Variants in LCMT1 observed in about 807,000 individuals in gnomAD.
The protein encoded by LCMT1 is [Phosphatase 2A protein]-leucine-carboxy methyltransferase 1.
Under a neutral mutation model 47.7 loss-of-function variants are expected in LCMT1, and 32 were observed. The observed-to-expected ratio is 0.67, with a 90% CI of 0.51 to 0.90. The LOEUF is 0.90. Ranked by LOEUF, LCMT1 falls within the 40% of genes least tolerant of loss-of-function variation. LCMT1 has a pLI of 0.00. For synonymous variants in LCMT1, 152 were observed against 149.7 expected, an observed-to-expected ratio of 1.02 and a Z score of -0.11; for missense variants, 375 against 415.2, an observed-to-expected ratio of 0.90 and a Z score of 0.84.
chr16:25,175,692 A>G (rs1961910330), intron 10 of LCMT1, among the ~76,000 whole-genome samples: 1 of 152,220 alleles, frequency 6.6e-6, no homozygotes, highest in East Asian at 1.9e-4. Context: ...CAGCTTCCCA[A>G]AGTGCTGGGA....
At chr16:25,118,082 C>T (rs1218283756) in intron 1 of LCMT1, among the ~76,000 whole-genome samples, 2 of 152,170 alleles carry the variant, frequency 1.3e-5, no homozygotes, top group African/African-American at 2.4e-5. Context: ...GTTACCTCCC[C>T]GAAATCTGTA....
chr16:25,140,103 TG>T, intron 3 of LCMT1, 67 bp from the exon 4 acceptor site: 1 of 1,187,372 alleles, frequency 8.4e-7, no homozygotes, highest in Non-Finnish European at 1.2e-6. Flanking sequence ...GCCTAGTGCT[TG>T]ATATGTGGAA....
rs1008835821 is a variant in LCMT1, at chr16:25,164,667, G to C, written c.639G>C (p.Leu213=). 2 of 1,613,986 alleles carry C rather than the reference G, an allele frequency of 1.2e-6. No homozygotes were observed. The highest frequency in any genetic ancestry group is 2.2e-5 in the South Asian group (2 of 91,084). Residue 213 remains leucine, a synonymous_variant, in exon 7 of 11, where the codon CTG becomes CTC. Coordinates refer to ENST00000399069, the MANE Select transcript of LCMT1 (RefSeq NM_016309.3). Reference sequence around the variant, plus strand: ...CTCCAGAGCAGTCCGCAAACCTCCTGAAGTGGGCAGCCAACAGTTTTGAGA... The same window carrying C: ...CTCCAGAGCAGTCCGCAAACCTCCTCAAGTGGGCAGCCAACAGTTTTGAGA... ...YMTPEQSANL[L]KWAANSFERA...
At chr16:25,132,858 C>CTTTTTTTTTT (rs34311865) in intron 3 of LCMT1, among the ~76,000 whole-genome samples, 3 of 140,610 alleles carry the variant, frequency 2.1e-5, no homozygotes, top group African/African-American at 8.1e-5. Flanking sequence ...GCATTTGTAA[C>CTTTTTTTTTT]TTTTTTTTTT....
At chr16:25,153,862 A>G (rs1015187466) in intron 5 of LCMT1, among the ~76,000 whole-genome samples, 2 of 151,958 alleles carry the variant, frequency 1.3e-5, no homozygotes, top group African/African-American at 4.8e-5. Flanking sequence ...CTAAGGCAGG[A>G]GACTCTCTTG....
intron 4 of LCMT1, chr16:25,145,220 C>T (rs1960814139): frequency 6.6e-6 from 1 of 152,132 alleles, no homozygotes; most frequent in Non-Finnish European, 1.5e-5. Context: ...AAATCTGGGC[C>T]TTGGATGGGG....
intron 6 of LCMT1, among the ~76,000 whole-genome samples, chr16:25,162,108 G>C (rs1322128019): frequency 6.6e-6 from 1 of 152,180 alleles, no homozygotes; most frequent in African/African-American, 2.4e-5. Flanking sequence ...ATACATAGCA[G>C]TTCCACTTTC....
chr16:25,151,463 G>T (rs1597589392), intron 4 of LCMT1, 91 bp from the exon 5 acceptor site: 2 of 1,070,752 alleles, frequency 1.9e-6, no homozygotes, highest in East Asian at 2.5e-5. Context: ...CATTTTGGTA[G>T]TGAGTGTCTG....
intron 3 of LCMT1, among the ~76,000 whole-genome samples, chr16:25,135,450 T>C (rs1329877745): frequency 6.6e-6 from 1 of 152,218 alleles, no homozygotes; most frequent in African/African-American, 2.4e-5. Context: ...AGCAGCCATA[T>C]GACAATTATA....
chr16:25,174,407 T>C lies in LCMT1; in HGVS notation c.885-530T>C, dbSNP rs532919012. On this transcript the variant is annotated intron_variant, in intron 9 of 10. Coordinates refer to ENST00000399069, the MANE Select transcript of LCMT1 (RefSeq NM_016309.3). ...TGTATTTTCCAAAAGTCTGTACATA[T>C]ACAGACAAATTTGTCTCACTTTTTC... Among the ~76,000 whole-genome samples the C allele has an allele frequency of 3.3e-5, 5 of 152,330 alleles. No homozygotes were observed. The South Asian group carries it at 1.0e-3, about 32-fold the overall frequency.
chr16:25,150,333 G>GTTTTTTTTT (rs35240331), intron 4 of LCMT1, among the ~76,000 whole-genome samples: 3 of 93,526 alleles, frequency 3.2e-5, no homozygotes, highest in Admixed American at 1.3e-4. Context: ...TAGTTTTCTG[G>GTTTTTTTTT]TTTTTTTTTT....
At chr16:25,151,282 C>T (rs948990618) in intron 4 of LCMT1, among the ~76,000 whole-genome samples, 1 of 152,184 alleles carries the variant, frequency 6.6e-6, no homozygotes, top group Admixed American at 6.5e-5. Flanking sequence ...CTAAATACTT[C>T]ATGATCAGTT....
intron 5 of LCMT1, among the ~76,000 whole-genome samples, chr16:25,153,152 C>T (rs1442978256): frequency 1.3e-5 from 2 of 152,204 alleles, no homozygotes; most frequent in Non-Finnish European, 2.9e-5. Flanking sequence ...CCTCCAGATT[C>T]TTCCAACCTC....
intron 1 of LCMT1, among the ~76,000 whole-genome samples, chr16:25,118,175 A>G (rs1959856614): frequency 6.6e-6 from 1 of 152,092 alleles, no homozygotes; most frequent in Non-Finnish European, 1.5e-5. Flanking sequence ...TGCCATTAGA[A>G]AAAGACCAGC....
At chr16:25,136,838 A>G (rs1960520378) in intron 3 of LCMT1, among the ~76,000 whole-genome samples, 1 of 152,040 alleles carries the variant, frequency 6.6e-6, no homozygotes, top group South Asian at 2.1e-4. Context: ...CGCGCCCCAC[A>G]GGATGTCTTT....
intron 1 of LCMT1, among the ~76,000 whole-genome samples, chr16:25,112,547 CAG>C (rs1183573650): frequency 6.6e-6 from 1 of 152,140 alleles, no homozygotes; most frequent in East Asian, 1.9e-4. Flanking sequence ...AGGTACGTGT[CAG>C]AGAAAGAGAA....
chr16:25,176,550 C>CTTTTTT lies in LCMT1; in HGVS notation c.983-1426_983-1421dup, dbSNP rs1170373745. ...GGTTTTGGTTTTTGTTTTTTTTTGG[C>CTTTTTT]TTTTTTTTTTTTTTTTTTTTTTTTT... On this transcript the variant is annotated intron_variant, in intron 10 of 10. Coordinates refer to ENST00000399069, the MANE Select transcript of LCMT1 (RefSeq NM_016309.3). 2.9e-4 allele frequency among the ~76,000 whole-genome samples: 13 copies of CTTTTTT among 44,268 alleles called. 1 individual carries two copies. The highest frequency in any genetic ancestry group is 4.5e-4 in the Admixed American group (1 of 2,198). The allele number at this position is 44,268 out of a possible 152,430, so 29.0% of individuals were successfully genotyped here. A position where few individuals can be genotyped will look rare whatever the true frequency, so the allele number is the denominator to read the frequency against.
At chr16:25,124,711 C>T (rs1567308508) in intron 1 of LCMT1, among the ~76,000 whole-genome samples, 2 of 152,172 alleles carry the variant, frequency 1.3e-5, no homozygotes, top group Non-Finnish European at 2.9e-5. Flanking sequence ...CAGAAGAAGG[C>T]CCCATTGTTC....
chr16:25,166,269 CAAAAA>C (rs371727353), intron 7 of LCMT1, among the ~76,000 whole-genome samples: 1 of 96,356 alleles, frequency 1.0e-5, no homozygotes, highest in Non-Finnish European at 2.1e-5. Context: ...GACGCCATCT[CAAAAA>C]AAAAAAAAAA....
Sources: allele counts gnomAD v4.1 joint callset (sites outside exome capture counted in the v4.1 genomes callset), GRCh38; gene constraint gnomAD v4.1.1; transcripts MANE v1.5; gene names NCBI Gene and HGNC (gene_info 2026-07-23, HGNC 2026-07-21).